Variants in CFAP77 observed in about 807,000 individuals in gnomAD.
CFAP77 encodes the protein cilia and flagella associated protein 77.
In CFAP77, 25 loss-of-function variants were observed where a neutral mutation model predicts 31.1. The ratio of observed to expected loss-of-function variants is 0.80; its 90% CI spans 0.59 to 1.12. The LOEUF (loss-of-function observed/expected upper bound fraction) is 1.12. Among genes scored for constraint, CFAP77 ranks in the 50% most tolerant of loss-of-function variants. The pLI, the probability that CFAP77 is intolerant of heterozygous loss-of-function variation, is 0.00. For synonymous variants in CFAP77, 151 were observed against 159.9 expected (o/e 0.94, Z 0.42); for missense variants, 377 against 397.3 (o/e 0.95, Z 0.44).
chr9:132,518,209 G>C (rs567523179), intron 3 of CFAP77, among the ~76,000 whole-genome samples: 1 of 152,096 alleles, frequency 6.6e-6, no homozygotes, highest in Non-Finnish European at 1.5e-5. Context: ...TGAGACCCCT[G>C]GATGGGGCCC....
At chr9:132,456,413 G>A (rs571137666) in intron 1 of CFAP77, among the ~76,000 whole-genome samples, 19 of 152,188 alleles carry the variant, frequency 1.2e-4, no homozygotes, top group Non-Finnish European at 2.5e-4. Flanking sequence ...TATTCCCTAC[G>A]GCGCCTCCTT....
At chr9:132,451,557 C>T (rs1384786801) in intron 1 of CFAP77, among the ~76,000 whole-genome samples, 2 of 144,960 alleles carry the variant, frequency 1.4e-5, no homozygotes, top group Non-Finnish European at 3.1e-5. Flanking sequence ...AGTGAGTGTA[C>T]CTCGTCAGCC....
In CFAP77 at chr9:132,473,725, C is replaced by G. The variant is rs535863673; in HGVS notation, c.196-24970C>G. On this transcript the variant is annotated intron_variant, in intron 1 of 5. Transcript: ENST00000393216. ...TGAGACAGAGTTTCACTCTTGTCAC[C>G]CAGGCTGGAGCGCAATGGTGCGATC... Among the ~76,000 whole-genome samples, 4 of 152,294 alleles carry G rather than the reference C, an allele frequency of 2.6e-5. No homozygotes were observed. The South Asian group carries it at 8.3e-4, about 32-fold the overall frequency.
At chr9:132,465,578 G>A (rs140363832) in intron 1 of CFAP77, among the ~76,000 whole-genome samples, 8 of 152,292 alleles carry the variant, frequency 5.3e-5, no homozygotes, top group Non-Finnish European at 1.2e-4. Context: ...AGGTGAGGGA[G>A]GCACAGAAAG....
At chr9:132,426,075 C>G (rs763046087) in intron 1 of CFAP77, among the ~76,000 whole-genome samples, 6 of 152,214 alleles carry the variant, frequency 3.9e-5, no homozygotes, top group African/African-American at 1.4e-4. Context: ...CCCGCCTCCC[C>G]GAGCTTCTAA....
Position 132,455,482 on chromosome 9 carries a change from T to C in CFAP77, c.196-43213T>C, listed in dbSNP as rs1179435085. ...GAGATCGTGCCACTGTACTCTAGCC[T>C]GGGTGGCAGAGCGAGACTCCTGAAA... On this transcript the variant is annotated intron_variant, in intron 1 of 5. Transcript: ENST00000393216. This position sits in a 1 kb window ranked among gnomAD's most constrained non-coding sequence, Gnocchi z 4.1. Among the ~76,000 whole-genome samples the C allele has an allele frequency of 1.3e-5, 2 of 149,824 alleles. No individual in the cohort carries two copies. The highest frequency in any genetic ancestry group is 6.7e-5 in the Admixed American group (1 of 14,962).
intron 1 of CFAP77, among the ~76,000 whole-genome samples, chr9:132,413,738 T>A (rs1352125308): frequency 6.6e-6 from 1 of 152,174 alleles, no homozygotes; most frequent in African/African-American, 2.4e-5. Context: ...CAGCCTTGGA[T>A]CTTCTGTCTC....
chr9:132,416,329 A>AT (rs71503303), intron 1 of CFAP77, among the ~76,000 whole-genome samples: 24,587 of 60,270 alleles, frequency 0.41, 8,957 homozygotes, highest in Non-Finnish European at 0.59. Flanking sequence ...TTCTTATCTG[A>AT]TTTTTTTTTT....
rs141894259 is a variant in CFAP77 at position 132,420,261 on chromosome 9, C to T, written c.195+9795C>T. On this transcript the variant is annotated intron_variant, in intron 1 of 5. Coordinates refer to ENST00000393216, the MANE Select transcript of CFAP77 (RefSeq NM_001282957.2). Reference sequence around the variant, plus strand: ...ATTGGGGCTTTCCAGGCAGCGCAGACGGCTGATGAGGTTGGGCTGGGCCTG... The same window carrying T: ...ATTGGGGCTTTCCAGGCAGCGCAGATGGCTGATGAGGTTGGGCTGGGCCTG... Among the ~76,000 whole-genome samples, 63 of 151,602 alleles carry T rather than the reference C, an allele frequency of 4.2e-4. 1 individual carries two copies. The East Asian group carries it at 0.01, about 25-fold the overall frequency.
At chr9:132,559,629 A>G (rs530036146) in intron 5 of CFAP77, among the ~76,000 whole-genome samples, 10 of 152,340 alleles carry the variant, frequency 6.6e-5, no homozygotes, top group African/African-American at 2.4e-4. Context: ...GCAGTTCTCC[A>G]AAAGGCTAAA....
chr9:132,474,225 A>G (rs1354893227), intron 1 of CFAP77, among the ~76,000 whole-genome samples: 2 of 152,098 alleles, frequency 1.3e-5, no homozygotes, highest in African/African-American at 4.8e-5. Context: ...TAGAGAATAC[A>G]TGTGGTCTGG....
intron 1 of CFAP77, among the ~76,000 whole-genome samples, chr9:132,410,967 G>A (rs1849984258): frequency 6.6e-6 from 1 of 152,174 alleles, no homozygotes; most frequent in African/African-American, 2.4e-5. Context: ...ATTTCCGTTC[G>A]ATCATACTAA....
intron 3 of CFAP77, among the ~76,000 whole-genome samples, chr9:132,524,762 C>T (rs961635823): frequency 1.5e-4 from 22 of 151,700 alleles, no homozygotes; most frequent in African/African-American, 5.3e-4. Flanking sequence ...CATTCTCCTG[C>T]GTCAGCCTCC....
chr9:132,439,805 T>C (rs558007233), intron 1 of CFAP77, among the ~76,000 whole-genome samples: 31 of 140,696 alleles, frequency 2.2e-4, no homozygotes, highest in Middle Eastern at 3.8e-3. Context: ...GCCGAGATCG[T>C]GCCACTGCAC....
At chr9:132,459,769 TGTGTGTGAGAGC>T (rs1206267943) in intron 1 of CFAP77, among the ~76,000 whole-genome samples, 1 of 150,692 alleles carries the variant, frequency 6.6e-6, no homozygotes, top group African/African-American at 2.5e-5. Context: ...TGTGTATGAG[TGTGTGTGAGAGC>T]GTGTGTGTAT....
At chr9:132,463,575 G>A (rs1360798150) in intron 1 of CFAP77, among the ~76,000 whole-genome samples, 1 of 152,184 alleles carries the variant, frequency 6.6e-6, no homozygotes, top group African/African-American at 2.4e-5. Flanking sequence ...GTAGAGGAGG[G>A]AGCCTGGCCC....
intron 1 of CFAP77, among the ~76,000 whole-genome samples, chr9:132,473,669 C>G (rs1203428663): frequency 6.6e-6 from 1 of 152,148 alleles, no homozygotes; most frequent in Non-Finnish European, 1.5e-5. Context: ...TCAACCAGAG[C>G]TGTCGCTGAC....
intron 1 of CFAP77, among the ~76,000 whole-genome samples, chr9:132,449,208 C>T (rs561310441): frequency 2.0e-5 from 3 of 152,276 alleles, no homozygotes; most frequent in African/African-American, 7.2e-5. Context: ...ACGTAACCTC[C>T]ATCACAGTAG....
At chr9:132,464,277 C>A (rs562983957) in intron 1 of CFAP77, among the ~76,000 whole-genome samples, 3 of 152,138 alleles carry the variant, frequency 2.0e-5, no homozygotes, top group African/African-American at 7.2e-5. Flanking sequence ...GTCTCTGCCG[C>A]CTCCTCCCAG....
Sources: gnomAD v4.1 joint callset for allele counts (sites outside exome capture counted in the v4.1 genomes callset) on GRCh38, gnomAD v4.1.1 for gene constraint, Gnocchi (gnomAD v3.1) non-coding constraint, MANE v1.5 for transcripts, NCBI Gene and HGNC (gene_info 2026-07-23, HGNC 2026-07-21) for gene names.